The following PIP4K2A variants were observed in gnomAD, a reference collection of about 807,000 sequenced individuals.
PIP4K2A encodes phosphatidylinositol 5-phosphate 4-kinase type-2 alpha.
PIP4K2A carries 14 observed loss-of-function variants against 42.9 expected under a neutral mutation model. The observed-to-expected ratio is 0.33, with a 90% CI of 0.22 to 0.51. The LOEUF is 0.51. Among genes scored for constraint, PIP4K2A ranks in the 20% least tolerant of loss-of-function variants. The pLI is 0.97. For synonymous variants in PIP4K2A, 192 were observed against 192.2 expected, an observed-to-expected ratio of 1.00 and a Z score of 0.01; for missense variants, 434 against 519.8, an observed-to-expected ratio of 0.83 and a Z score of 1.61.
rs1417394768 is a variant in PIP4K2A, at chr10:22,630,696, G to A, written c.145-20979C>T. Among the ~76,000 whole-genome samples, 7 of 152,174 alleles carry A rather than the reference G, an allele frequency of 4.6e-5. No individual in the cohort carries two copies. In the East Asian group the frequency reaches 1.4e-3, roughly 29 times the overall value. On this transcript the variant is annotated intron_variant, in intron 1 of 9. Coordinates refer to ENST00000376573, the MANE Select transcript of PIP4K2A (RefSeq NM_005028.5). Reference sequence around the variant, plus strand: ...CAAAACTTCAGAATGAGCCACAAAGGGTAACAAACTCAAAAACTTGAGCAA... The same window carrying A: ...CAAAACTTCAGAATGAGCCACAAAGAGTAACAAACTCAAAAACTTGAGCAA...
chr10:22,548,700 G>A (rs888079509), intron 7 of PIP4K2A, among the ~76,000 whole-genome samples: 1 of 152,140 alleles, frequency 6.6e-6, no homozygotes, highest in Non-Finnish European at 1.5e-5. Flanking sequence ...AAGACTGGAG[G>A]AAAATGTTAG....
intron 6 of PIP4K2A, among the ~76,000 whole-genome samples, chr10:22,553,481 A>G (rs1243831949): frequency 6.6e-6 from 1 of 152,230 alleles, no homozygotes; most frequent in Non-Finnish European, 1.5e-5. Context: ...TGTGTGCGTC[A>G]TTTTATTCAC....
intron 4 of PIP4K2A, among the ~76,000 whole-genome samples, chr10:22,589,226 AAGT>A (rs755264452): frequency 6.6e-6 from 1 of 152,230 alleles, no homozygotes; most frequent in African/African-American, 2.4e-5. Flanking sequence ...AACTGAAAGA[AAGT>A]ATAAAGAGAA....
chr10:22,585,597 C>G (rs2130813407), intron 4 of PIP4K2A, among the ~76,000 whole-genome samples: 1 of 150,290 alleles, frequency 6.7e-6, no homozygotes, highest in South Asian at 2.1e-4. Flanking sequence ...ATGTTACCAA[C>G]AGTGCCTCTC....
intron 1 of PIP4K2A, among the ~76,000 whole-genome samples, chr10:22,701,888 G>A (rs896028051): frequency 1.3e-5 from 2 of 152,156 alleles, no homozygotes; most frequent in South Asian, 4.1e-4. Context: ...AGGAACAGAA[G>A]ACAAAGACTA....
rs559212848 is a variant in PIP4K2A, at chr10:22,601,428, T to G, written c.339+6499A>C. Reference sequence around the variant, plus strand: ...AATGCCTGCTGACCCTGATGGGCTGTGAGGGAGCTTCCCCCAGTCTATCAA... The same window carrying G: ...AATGCCTGCTGACCCTGATGGGCTGGGAGGGAGCTTCCCCCAGTCTATCAA... On this transcript the variant is annotated intron_variant, in intron 3 of 9. Coordinates refer to ENST00000376573, the MANE Select transcript of PIP4K2A (RefSeq NM_005028.5). Among the ~76,000 whole-genome samples, 8 of 152,298 alleles carry G rather than the reference T, an allele frequency of 5.3e-5. No individual in the cohort carries two copies. In the South Asian group the frequency reaches 1.7e-3, roughly 32 times the overall value.
intron 6 of PIP4K2A, 113 bp downstream of exon 6, chr10:22,567,738 A>T: frequency 1.1e-6 from 1 of 900,668 alleles, no homozygotes; most frequent in Non-Finnish European, 1.9e-6. Context: ...CAGAATGGGG[A>T]ACAGGAAGAA....
At chr10:22,594,989 A>G (rs1328344711) in intron 3 of PIP4K2A, among the ~76,000 whole-genome samples, 1 of 152,240 alleles carries the variant, frequency 6.6e-6, no homozygotes, top group African/African-American at 2.4e-5. Flanking sequence ...AACATGAAAT[A>G]ACCAATGAAG....
rs375197690 is a variant in PIP4K2A at position 22,568,731 on chromosome 10, G to T, written c.640-842C>A. ...AGCAGAGAAACTTCCCGTGGCTTGTGGAAGATTTTAATTCAAAAGAAAAGC... is the reference window on the plus strand; with the variant it reads ...AGCAGAGAAACTTCCCGTGGCTTGTTGAAGATTTTAATTCAAAAGAAAAGC... On this transcript the variant is annotated intron_variant, in intron 5 of 9. Coordinates refer to ENST00000376573, the MANE Select transcript of PIP4K2A (RefSeq NM_005028.5). Among the ~76,000 whole-genome samples, 4 of 152,168 alleles carry T rather than the reference G, an allele frequency of 2.6e-5. No individual in the cohort carries two copies. In the East Asian group the frequency reaches 7.7e-4, roughly 29 times the overall value.
At chr10:22,617,900 G>A (rs1259894400) in intron 1 of PIP4K2A, among the ~76,000 whole-genome samples, 6 of 152,086 alleles carry the variant, frequency 3.9e-5, no homozygotes, top group South Asian at 2.1e-4. Flanking sequence ...TTAAATATGA[G>A]GGCCTATTTT....
chr10:22,621,520 A>C (rs960258995), intron 1 of PIP4K2A, among the ~76,000 whole-genome samples: 15 of 152,368 alleles, frequency 9.8e-5, no homozygotes, highest in African/African-American at 3.6e-4. Flanking sequence ...GTGAAGGCAA[A>C]GCTTCCAGAA....
intron 5 of PIP4K2A, among the ~76,000 whole-genome samples, chr10:22,568,328 T>C (rs559699910): frequency 6.4e-4 from 97 of 152,326 alleles, no homozygotes; most frequent in African/African-American, 2.2e-3. Flanking sequence ...TAAGTGCCTC[T>C]TTCCCCACAT....
intron 1 of PIP4K2A, among the ~76,000 whole-genome samples, chr10:22,647,149 C>T (rs1838901651): frequency 6.6e-6 from 1 of 152,134 alleles, no homozygotes; most frequent in South Asian, 2.1e-4. Context: ...TGCAAGGCTT[C>T]GTAACTACTA....
chr10:22,615,409 C>T (rs1271297523), intron 1 of PIP4K2A, among the ~76,000 whole-genome samples: 1 of 152,096 alleles, frequency 6.6e-6, no homozygotes, highest in Non-Finnish European at 1.5e-5. Context: ...ATTTTTTATA[C>T]AAAGAATTGA....
At chr10:22,551,037 A>C (rs1836399745) in intron 6 of PIP4K2A, among the ~76,000 whole-genome samples, 1 of 152,216 alleles carries the variant, frequency 6.6e-6, no homozygotes, top group African/African-American at 2.4e-5. Flanking sequence ...TTTTTGTAAC[A>C]CATTTCATGT....
intron 1 of PIP4K2A, among the ~76,000 whole-genome samples, chr10:22,685,327 G>C (rs1345441794): frequency 6.6e-6 from 1 of 152,100 alleles, no homozygotes; most frequent in Non-Finnish European, 1.5e-5. Context: ...AAAAATTTCA[G>C]AAGAGAGGCG....
At chr10:22,657,460 G>T (rs1468913658) in intron 1 of PIP4K2A, among the ~76,000 whole-genome samples, 1 of 152,138 alleles carries the variant, frequency 6.6e-6, no homozygotes, top group Non-Finnish European at 1.5e-5. Context: ...ACTGTTGTGG[G>T]TCAGTAACAA....
At chr10:22,708,103 A>G (rs940246770) in intron 1 of PIP4K2A, among the ~76,000 whole-genome samples, 10 of 152,184 alleles carry the variant, frequency 6.6e-5, no homozygotes, top group Admixed American at 6.5e-4. Flanking sequence ...AGACGGATTC[A>G]AGGAAACTCC....
At chr10:22,704,697 A>G (rs1833785334) in intron 1 of PIP4K2A, among the ~76,000 whole-genome samples, 1 of 151,178 alleles carries the variant, frequency 6.6e-6, no homozygotes, top group Admixed American at 6.6e-5. Flanking sequence ...AGAAGACACT[A>G]AAATGAGAGA....
Sources: gnomAD v4.1 joint callset for allele counts (sites outside exome capture counted in the v4.1 genomes callset) on GRCh38, gnomAD v4.1.1 for gene constraint, MANE v1.5 for transcripts, NCBI Gene and HGNC (gene_info 2026-07-23, HGNC 2026-07-21) for gene names.